Variants in CDC42 observed in about 807,000 individuals in gnomAD.
CDC42 encodes the protein cell division control protein 42 homolog.
In CDC42, 1 loss-of-function variant was observed where a neutral mutation model predicts 20.8. The observed-to-expected ratio is 0.05, with a 90% confidence interval of 0.02 to 0.23. CDC42 has a LOEUF of 0.23. Among genes scored for constraint, CDC42 ranks in the 10% least tolerant of loss-of-function variants. The probability of loss-of-function intolerance (pLI) is 1.00; values close to 1 mark genes in which losing one functional copy is unlikely to be tolerated. For synonymous variants in CDC42, 72 were observed against 84.8 expected (o/e 0.85, Z 0.83); for missense variants, 49 against 227.9 (o/e 0.21, Z 5.05).
At chr1:22,064,072 T>G in intron 1 of CDC42, 1 of 145,792 alleles carries the variant, frequency 6.9e-6, no homozygotes, top group Non-Finnish European at 1.5e-5. Context: ...GTATTATTAC[T>G]TGTTTTTTTT....
At chr1:22,089,452 A>G (rs529203152) in intron 5 of CDC42, among the ~76,000 whole-genome samples, 31 of 152,270 alleles carry the variant, frequency 2.0e-4, no homozygotes, top group Non-Finnish European at 3.2e-4. Flanking sequence ...CTGTTTTTAG[A>G]GTCTGTTCTT....
At position 22,093,620 on chromosome 1, in the gene CDC42, T is replaced by G. The variant is rs1645736291; in HGVS notation, c.*2103T>G. On this transcript the variant is annotated 3_prime_UTR_variant, in exon 6 of 6. Coordinates refer to ENST00000656825, the MANE Select transcript of CDC42 (RefSeq NM_001791.4). ...TGCATGGAGTCATGTTTGGCATGAT[T>G]TGCATACTGTGCTAGAATTAAGCTG... 6.6e-6 allele frequency among the ~76,000 whole-genome samples: 1 copy of G among 152,240 alleles called. No individual in the cohort carries two copies. The highest frequency in any genetic ancestry group is 6.5e-5 in the Admixed American group (1 of 15,284).
rs1645748506 is a variant in CDC42, at chr1:22,095,226, T to G, written c.*3709T>G. Among the ~76,000 whole-genome samples, 1 of 152,148 alleles carries G rather than the reference T, an allele frequency of 6.6e-6. No homozygotes were observed. Among genetic ancestry groups the G allele is most frequent in the South Asian group, 2.1e-4 (1 of 4,830 alleles). ...CCGACTTCAGATCATGGTGATTTAA[T>G]TACATGGCCCAATCATGTTTTCTTT... On this transcript the variant is annotated 3_prime_UTR_variant, in exon 6 of 6. Coordinates refer to ENST00000656825, the MANE Select transcript of CDC42 (RefSeq NM_001791.4).
intron 1 of CDC42, among the ~76,000 whole-genome samples, chr1:22,062,900 A>C (rs1409798194): frequency 1.3e-5 from 2 of 152,034 alleles, no homozygotes; most frequent in African/African-American, 4.8e-5. Flanking sequence ...TTTCTATGCT[A>C]CTACCGCAGG....
At chr1:22,073,232 C>A (rs889178572) in intron 1 of CDC42, among the ~76,000 whole-genome samples, 3 of 152,094 alleles carry the variant, frequency 2.0e-5, no homozygotes, top group African/African-American at 7.2e-5. Flanking sequence ...TTTGAATTCC[C>A]ATAGTGTTAA....
chr1:22,068,927 T>C (rs966606032), intron 1 of CDC42: 1 of 152,136 alleles, frequency 6.6e-6, no homozygotes, highest in Non-Finnish European at 1.5e-5. Flanking sequence ...GGTAGTATTA[T>C]TGAAGGAAGA....
In CDC42 at chr1:22,098,237, C is replaced by A. The variant is rs1645769672; in HGVS notation, c.*6720C>A. 6.6e-6 allele frequency among the ~76,000 whole-genome samples: 1 copy of A among 152,066 alleles called. No individual in the cohort carries two copies. Among genetic ancestry groups the A allele is most frequent in the African/African-American group, 2.4e-5 (1 of 41,402 alleles). ...AACGTGCCCTTTGGCAGGTAGCTTC[C>A]ACTTTTCTGGCCTCATTATCTGTAA... On this transcript the variant is annotated 3_prime_UTR_variant, in exon 6 of 6. Transcript: ENST00000656825.
rs1252788154 is a variant in CDC42, at chr1:22,097,338, T to A, written c.*5821T>A. The stretch of plus-strand genomic sequence containing the variant: ...GTGGCGTGATCTCGGCTTGCTGCAA[T>A]CTCTGCAATTCTCATGCCTCAGCCT... On this transcript the variant is annotated 3_prime_UTR_variant, in exon 6 of 6. Transcript: ENST00000656825. Among the ~76,000 whole-genome samples the A allele has an allele frequency of 3.3e-5, 5 of 152,156 alleles. No individual in the cohort carries two copies. The highest frequency in any genetic ancestry group is 1.2e-4 in the African/African-American group (5 of 41,446).
chr1:22,057,453 C>T (rs545166745), intron 1 of CDC42, among the ~76,000 whole-genome samples: 19 of 151,492 alleles, frequency 1.3e-4, no homozygotes, highest in Non-Finnish European at 2.2e-4. Context: ...GGCGCGATCT[C>T]GGCTCACCGC....
intron 1 of CDC42, among the ~76,000 whole-genome samples, chr1:22,065,763 T>C (rs1046882605): frequency 6.6e-6 from 1 of 150,818 alleles, no homozygotes; most frequent in Non-Finnish European, 1.5e-5. Context: ...AAATCTCGTC[T>C]TTTTTTGGGG....
intron 2 of CDC42, among the ~76,000 whole-genome samples, chr1:22,079,520 A>G (rs1261618781): frequency 6.6e-6 from 1 of 152,186 alleles, no homozygotes; most frequent in Non-Finnish European, 1.5e-5. Flanking sequence ...AGAGAGAGAC[A>G]AGAGTTAGAG....
At chr1:22,071,787 G>A (rs1645494897) in intron 1 of CDC42, among the ~76,000 whole-genome samples, 2 of 152,082 alleles carry the variant, frequency 1.3e-5, no homozygotes, top group Admixed American at 6.6e-5. Flanking sequence ...GTTACTTCAG[G>A]GGCAAACGTA....
At chr1:22,061,411 G>GAAA (rs150165231) in intron 1 of CDC42, among the ~76,000 whole-genome samples, 1 of 136,390 alleles carries the variant, frequency 7.3e-6, no homozygotes, top group Non-Finnish European at 1.6e-5. Flanking sequence ...TCTGTCTCAG[G>GAAA]AAAAAAAAAA....
chr1:22,100,835 C>A lies in CDC42; in HGVS notation c.*9318C>A, dbSNP rs1306256404. 2 of 152,182 alleles carry A rather than the reference C, an allele frequency of 1.3e-5. No homozygotes were observed. Among genetic ancestry groups the A allele is most frequent in the East Asian group, 3.8e-4 (2 of 5,200 alleles). 9.4% of individuals were successfully genotyped at this position (152,182 alleles called of 1,614,324 possible). ...ATGGAGTTCCAGACCCACCATGGGG[C>A]CCCAGTGCTAGCTTCTTAGCCCTCC... is the stretch of plus-strand genomic sequence containing the variant. On this transcript the variant is annotated 3_prime_UTR_variant, in exon 6 of 6. Transcript: ENST00000656825.
chr1:22,055,637 T>C (rs1645296733), intron 1 of CDC42, among the ~76,000 whole-genome samples: 1 of 151,884 alleles, frequency 6.6e-6, no homozygotes, highest in Non-Finnish European at 1.5e-5. Context: ...CTACGGTGCA[T>C]GCAACCAGAC....
chr1:22,091,731 C>G lies in CDC42; in HGVS notation c.*214C>G, dbSNP rs1250406710. The G allele has an allele frequency of 8.0e-6, 2 of 248,966 alleles. No homozygotes were observed. Among genetic ancestry groups the G allele is most frequent in the African/African-American group, 4.8e-5 (2 of 41,438 alleles). 15.4% of individuals were successfully genotyped at this position (248,966 alleles called of 1,614,324 possible). A position where few individuals can be genotyped will look rare whatever the true frequency, so the allele number is the denominator to read the frequency against. ...AGTTAATTTTGAGTAATTGTATTGT[C>G]AGAAAAGTGATTAGTACTATTTTTT... is the stretch of plus-strand genomic sequence containing the variant. On this transcript the variant is annotated 3_prime_UTR_variant, in exon 6 of 6. Transcript: ENST00000656825.
chr1:22,067,215 C>T (rs535600952), intron 1 of CDC42, among the ~76,000 whole-genome samples: 9 of 152,248 alleles, frequency 5.9e-5, no homozygotes, highest in East Asian at 1.9e-4. Context: ...AGCTTGTAAA[C>T]GACAGAAACT....
rs1645444435 is a variant in CDC42, at chr1:22,068,104, A to C, written c.-50-10325A>C. On this transcript the variant is annotated intron_variant, in intron 1 of 5. Transcript: ENST00000656825. ...CTCAAAAACAAAAAAAATCTTTAGG[A>C]AACCTGTATATTTGAAGATCAAGGG... is the stretch of plus-strand genomic sequence containing the variant. 2.6e-5 allele frequency among the ~76,000 whole-genome samples: 4 copies of C among 152,280 alleles called. 1 individual carries two copies. The South Asian group carries it at 8.3e-4, about 32-fold the overall frequency.
intron 5 of CDC42, among the ~76,000 whole-genome samples, chr1:22,087,577 C>T (rs11800014): frequency 0.18 from 26,706 of 152,014 alleles, 2,498 homozygotes; most frequent in African/African-American, 0.22. Context: ...TCGCTGATTC[C>T]GTCCTTTGAG....
Sources: gnomAD v4.1 joint callset for allele counts (sites outside exome capture counted in the v4.1 genomes callset) on GRCh38, gnomAD v4.1.1 for gene constraint, MANE v1.5 for transcripts, NCBI Gene and HGNC (gene_info 2026-07-23, HGNC 2026-07-21) for gene names.